The following SCN4A variants were observed in gnomAD, a reference collection of about 807,000 sequenced individuals.
The protein encoded by SCN4A is sodium channel protein type 4 subunit alpha.
A neutral mutation model predicts 162.0 loss-of-function variants in SCN4A; 83 were observed. The ratio of observed to expected loss-of-function variants is 0.51; its 90% confidence interval spans 0.43 to 0.61. SCN4A has a LOEUF of 0.61. Ranked by LOEUF, SCN4A falls within the 20% of genes least tolerant of loss-of-function variation. SCN4A has a pLI of 0.00. For synonymous variants in SCN4A, 944 were observed against 985.1 expected (o/e 0.96, Z 0.78); for missense variants, 2,196 against 2,462.5 (o/e 0.89, Z 2.29).
Position 63,942,874 on chromosome 17 carries a change from C to T in SCN4A, c.4240G>A (p.Val1414Ile), listed in dbSNP as rs369929462. 70 of 1,613,934 alleles carry T rather than the reference C, an allele frequency of 4.3e-5. No homozygotes were observed. Among genetic ancestry groups the T allele is most frequent in the South Asian group, 1.6e-4 (15 of 91,090 alleles). The change falls in exon 23 of 24, where the codon GTT becomes ATT. Residue 1414 changes from valine (V) to isoleucine (I), a missense_variant. By Grantham distance (29) the Val-to-Ile change is conservative. Transcript: ENST00000435607. The stretch of plus-strand genomic sequence containing the variant: ...ACGAAGTCAAAGATGTTCCAGCCAA[C>T]GGTGAAGTAGTACTGGCGCAGGGCG... ...MLALRQYYFT[V>I]GWNIFDFVVV...
At chr17:63,965,730 G>A (rs984158138) in intron 8 of SCN4A, among the ~76,000 whole-genome samples, 1 of 152,126 alleles carries the variant, frequency 6.6e-6, no homozygotes, top group Non-Finnish European at 1.5e-5. Flanking sequence ...CTCGTGATCC[G>A]CCCACCTCTG....
At position 63,940,804 on chromosome 17, in the gene SCN4A, A is replaced by C. The variant is rs2227906; in HGVS notation, c.5478T>G (p.Thr1826=). 49,085 of 1,592,554 alleles carry C rather than the reference A, an allele frequency of 0.031. 12,530 individuals are homozygous for C. The African/African-American group carries it at 0.57, about 19-fold the overall frequency. ...AWPPAPPPGQ[T]VRPGVKESLV ...GAGACTCCTTGACACCTGGGCGCAC[A>C]GTCTGCCCTGGGGGAGGGGCGGGAG... Residue 1826 remains threonine, a synonymous_variant, in exon 24 of 24, where the codon ACT becomes ACG. Coordinates refer to ENST00000435607, the MANE Select transcript of SCN4A (RefSeq NM_000334.4).
rs374074988 is a variant in SCN4A at position 63,941,921 on chromosome 17, C to T, written c.4361G>A (p.Arg1454Gln). 2.5e-6 allele frequency: 4 copies of T among 1,610,200 alleles called. No homozygotes were observed. The highest frequency in any genetic ancestry group is 1.7e-6 in the Non-Finnish European group (2 of 1,176,814). Reference protein sequence around the residue: ...PTLFRVIRLARIGRVLRLIRG... With the variant: ...PTLFRVIRLAQIGRVLRLIRG... ...GATCAGCCGCAGGACACGCCCAATC[C>T]GCGCCAGGCGGATCACACGGAACAG... is the stretch of plus-strand genomic sequence containing the variant. The change falls in exon 24 of 24, where the codon CGG (arginine) becomes CAG (glutamine). Residue 1454 changes from arginine (R) to glutamine (Q), a missense_variant. Physicochemically the swap from Arg to Gln is conservative, Grantham distance 43. Transcript: ENST00000435607. This position sits in a 1 kb window ranked among gnomAD's most constrained non-coding sequence, Gnocchi z 6.2.
chr17:63,967,359 G>A (rs1909481821), intron 6 of SCN4A, among the ~76,000 whole-genome samples: 1 of 152,004 alleles, frequency 6.6e-6, no homozygotes, highest in Non-Finnish European at 1.5e-5. Flanking sequence ...CACCACGTTG[G>A]TCAGGCTGGT....
rs948879341 is a variant in SCN4A, at chr17:63,947,239, T to C, written c.3319-72A>G. On this transcript the variant is annotated intron_variant, in intron 17 of 23. Transcript: ENST00000435607. ...TCCCCTCAAGCCCAGGCCACGGGGG[T>C]CTTCCTGGACTCACAGCTCCTGGTT... is the stretch of plus-strand genomic sequence containing the variant. 17 of 1,587,030 alleles carry C rather than the reference T, an allele frequency of 1.1e-5. No individual in the cohort carries two copies. In the African/African-American group the frequency reaches 2.0e-4, roughly 19 times the overall value.
intron 17 of SCN4A, 134 bp downstream of exon 17, chr17:63,947,756 G>A: frequency 1.2e-6 from 1 of 819,716 alleles, no homozygotes. Context: ...TCTGAGAAGG[G>A]CAGCACTGAT....
Position 63,939,419 on chromosome 17 carries a change from G to T in SCN4A, c.*1352C>A, listed in dbSNP as rs1908449938. 6.6e-6 allele frequency: 1 copy of T among 152,184 alleles called. No individual in the cohort carries two copies. The allele number at this position is 152,184 out of a possible 1,614,324, so 9.4% of individuals were successfully genotyped here. A position where few individuals can be genotyped will look rare whatever the true frequency, so the allele number is the denominator to read the frequency against. ...ATACCCAGACACGTGCATAATGCAG[G>T]CTCCAGTACACAGTGGTTCACACAC... On this transcript the variant is annotated 3_prime_UTR_variant, in exon 24 of 24. Transcript: ENST00000435607.
Position 63,972,914 on chromosome 17 carries a change from G to A in SCN4A, c.-73C>T. ...GAGCTGCAGTGCGCAGCCCCGGGGT[G>A]CTGGGCGGCCGCCCCTCCCTGGGCG... is the stretch of plus-strand genomic sequence containing the variant. On this transcript the variant is annotated 5_prime_UTR_variant, in exon 1 of 24. Coordinates refer to ENST00000435607, the MANE Select transcript of SCN4A (RefSeq NM_000334.4). This position sits in a 1 kb window ranked among gnomAD's most constrained non-coding sequence, Gnocchi z 4.3. 1.4e-6 allele frequency: 2 copies of A among 1,468,492 alleles called. No homozygotes were observed. The highest frequency in any genetic ancestry group is 9.0e-7 in the Non-Finnish European group (1 of 1,108,022). The allele number at this position is 1,468,492 out of a possible 1,614,324, so 91.0% of individuals were successfully genotyped here. A position where few individuals can be genotyped will look rare whatever the true frequency, so the allele number is the denominator to read the frequency against.
chr17:63,949,786 AC>A (rs1303411493), intron 14 of SCN4A: 2 of 360,808 alleles, frequency 5.5e-6, no homozygotes, highest in Non-Finnish European at 1.0e-5. Context: ...GGGCATGAGG[AC>A]ACATGCGAAG....
chr17:63,966,534 G>A lies in SCN4A; in HGVS notation c.1047C>T (p.Tyr349=). The change falls in exon 7 of 24, where the codon TAC becomes TAT. Residue 349 remains tyrosine, a synonymous_variant. Coordinates refer to ENST00000435607, the MANE Select transcript of SCN4A (RefSeq NM_000334.4). ...GGGCATCGTTGGAGCCCTCCAGGAA[G>A]TAGAAGTTCCCTTTGGGAGTCAGAG... ...DAYISDEGNF[Y]FLEGSNDALL... is the part of the protein sequence containing the mutation. 2 of 1,613,740 alleles carry A rather than the reference G, an allele frequency of 1.2e-6. No individual in the cohort carries two copies. Among genetic ancestry groups the A allele is most frequent in the East Asian group, 2.2e-5 (1 of 44,890 alleles).
chr17:63,953,514 A>G (rs1385602546), intron 13 of SCN4A, among the ~76,000 whole-genome samples: 1 of 149,584 alleles, frequency 6.7e-6, no homozygotes, highest in Non-Finnish European at 1.5e-5. Flanking sequence ...TGGTGAAACC[A>G]TGTACTAAAA....
At chr17:63,959,862 G>C (rs528826408) in intron 11 of SCN4A, among the ~76,000 whole-genome samples, 70 of 152,262 alleles carry the variant, frequency 4.6e-4, no homozygotes, top group Admixed American at 1.2e-3. Flanking sequence ...TAGCTGGGCA[G>C]CTAGCTGGCA....
intron 11 of SCN4A, 79 bp downstream of exon 11, chr17:63,961,114 C>A (rs551932554): frequency 5.9e-6 from 5 of 846,200 alleles, no homozygotes; most frequent in Non-Finnish European, 9.2e-6. Flanking sequence ...CCTATATTTA[C>A]ATACAGCCAG....
chr17:63,939,765 A>G lies in SCN4A; in HGVS notation c.*1006T>C, dbSNP rs941655520. Reference sequence around the variant, plus strand: ...ACATTCTTAGGATCACTTTGGGGAGAGAGGTGGGAAAGGTGAGAAAGAGAC... The same window carrying G: ...ACATTCTTAGGATCACTTTGGGGAGGGAGGTGGGAAAGGTGAGAAAGAGAC... On this transcript the variant is annotated 3_prime_UTR_variant, in exon 24 of 24. Transcript: ENST00000435607. 2.2e-4 allele frequency: 33 copies of G among 152,186 alleles called. No homozygotes were observed. Among genetic ancestry groups the G allele is most frequent in the African/African-American group, 8.0e-4 (33 of 41,392 alleles). The allele number at this position is 152,186 out of a possible 1,614,324, so 9.4% of individuals were successfully genotyped here.
intron 13 of SCN4A, among the ~76,000 whole-genome samples, chr17:63,954,156 C>T (rs1160755629): frequency 6.6e-6 from 1 of 152,232 alleles, no homozygotes; most frequent in African/African-American, 2.4e-5. Flanking sequence ...CTGGCTCTCA[C>T]CAGCCTCCTC....
At chr17:63,947,003 C>A in intron 18 of SCN4A, 42 bp downstream of exon 18, 1 of 1,455,572 alleles carries the variant, frequency 6.9e-7, no homozygotes, top group South Asian at 1.2e-5. Context: ...GGTGGCCGGT[C>A]CCCCATCCCC....
intron 6 of SCN4A, 88 bp downstream of exon 6, chr17:63,967,935 A>AG: frequency 7.4e-6 from 6 of 806,800 alleles, no homozygotes; most frequent in Non-Finnish European, 1.1e-5. Context: ...CTCCATCTCA[A>AG]AAAAAAAAAA....
In SCN4A at chr17:63,951,019, A is replaced by C; in HGVS notation, c.2853+405T>G. Among the ~76,000 whole-genome samples the C allele has an allele frequency of 6.6e-6, 1 of 152,184 alleles. No homozygotes were observed. Among genetic ancestry groups the C allele is most frequent in the African/African-American group, 2.4e-5 (1 of 41,440 alleles). On this transcript the variant is annotated intron_variant, in intron 14 of 23. Coordinates refer to ENST00000435607, the MANE Select transcript of SCN4A (RefSeq NM_000334.4). The surrounding 1 kb of genome is among the most constrained non-coding windows in gnomAD (Gnocchi z 4.5). ...GGGGTCTAAACAGAGATAGAGGATAAGTGTGAGGACTGGGCAAGGGGCCTC... is the reference window on the plus strand; with the variant it reads ...GGGGTCTAAACAGAGATAGAGGATACGTGTGAGGACTGGGCAAGGGGCCTC...
intron 12 of SCN4A, 144 bp downstream of exon 12, chr17:63,959,121 G>A (rs1909163539): frequency 3.1e-6 from 2 of 637,318 alleles, no homozygotes; most frequent in Non-Finnish European, 5.3e-6. Flanking sequence ...GGTTCTGAGA[G>A]GTAACAGGTG....
Sources: gnomAD v4.1 joint callset for allele counts (sites outside exome capture counted in the v4.1 genomes callset) on GRCh38, gnomAD v4.1.1 for gene constraint, Gnocchi (gnomAD v3.1) non-coding constraint, MANE v1.5 for transcripts, NCBI Gene and HGNC (gene_info 2026-07-23, HGNC 2026-07-21) for gene names.